Variants in MSH3 observed in about 807,000 individuals in gnomAD.
The protein encoded by MSH3 is mutS homolog 3, also known as DNA mismatch repair protein Msh3.
A neutral mutation model predicts 123.3 loss-of-function variants in MSH3; 106 were observed. The observed-to-expected ratio is 0.86, with a 90% confidence interval of 0.73 to 1.01. The LOEUF is 1.01. MSH3 is among the 50% of genes least tolerant of loss of function. The probability of loss-of-function intolerance (pLI) is 0.00; values close to 1 mark genes in which losing one functional copy is unlikely to be tolerated. For missense variants in MSH3, 1,459 were observed against 1,347.6 expected, an observed-to-expected ratio of 1.08 and a Z score of -1.29; for synonymous variants, 515 against 481.4, an observed-to-expected ratio of 1.07 and a Z score of -0.91.
At chr5:80,808,658 C>G (rs2112046769) in intron 19 of MSH3, among the ~76,000 whole-genome samples, 1 of 151,740 alleles carries the variant, frequency 6.6e-6, no homozygotes, top group East Asian at 1.9e-4. Context: ...CTCTGAAATC[C>G]TGAAGTTCAA....
chr5:80,678,772 T>A (rs1166705395), intron 7 of MSH3, among the ~76,000 whole-genome samples, 155 bp from the exon 8 acceptor site: 1 of 152,132 alleles, frequency 6.6e-6, no homozygotes, highest in Non-Finnish European at 1.5e-5. Context: ...CGTGTAAGAG[T>A]CCTGAAAAGC....
intron 20 of MSH3, among the ~76,000 whole-genome samples, chr5:80,837,774 A>G (rs1189613656): frequency 6.6e-6 from 1 of 152,212 alleles, no homozygotes; most frequent in African/African-American, 2.4e-5. Context: ...TCTGTGGTTC[A>G]TGACCCCAGA....
intron 21 of MSH3, 95 bp downstream of exon 21, chr5:80,854,411 A>C (rs1561500109): frequency 2.0e-4 from 211 of 1,070,846 alleles, no homozygotes; most frequent in Non-Finnish European, 2.7e-4. Context: ...ATGGGGTACA[A>C]TGTGATGTTT....
intron 8 of MSH3, among the ~76,000 whole-genome samples, chr5:80,681,045 A>G (rs931193111): frequency 3.9e-5 from 6 of 152,064 alleles, no homozygotes; most frequent in Non-Finnish European, 8.8e-5. Context: ...ATTGCTTGCT[A>G]GAAATGGTAA....
intron 10 of MSH3, among the ~76,000 whole-genome samples, chr5:80,729,444 G>T (rs867156766): frequency 9.6e-6 from 1 of 104,242 alleles, no homozygotes; most frequent in African/African-American, 3.7e-5. Flanking sequence ...GTGTGTGTGT[G>T]TGTGTGTGTG....
At chr5:80,703,326 C>A (rs115394556) in intron 8 of MSH3, among the ~76,000 whole-genome samples, 3,827 of 152,256 alleles carry the variant, frequency 0.025, 70 homozygotes, top group Non-Finnish European at 0.04. Context: ...ACTTTACATT[C>A]TTTTATGTAA....
chr5:80,772,176 A>G (rs1053293983), intron 15 of MSH3, among the ~76,000 whole-genome samples: 1 of 152,180 alleles, frequency 6.6e-6, no homozygotes, highest in African/African-American at 2.4e-5. Flanking sequence ...TATTATTACT[A>G]AGGGAAAAAG....
At chr5:80,741,630 T>C in intron 11 of MSH3, 82 bp downstream of exon 11, 1 of 970,004 alleles carries the variant, frequency 1.0e-6, no homozygotes, top group Non-Finnish European at 1.7e-6. Flanking sequence ...TTTTTAGAGG[T>C]ACAGGTGAAA....
chr5:80,751,342 A>C (rs1743833222), intron 12 of MSH3, among the ~76,000 whole-genome samples: 1 of 152,308 alleles, frequency 6.6e-6, no homozygotes, highest in Admixed American at 6.5e-5. Context: ...GAAAAGTTTC[A>C]TGAGACCTCG....
chr5:80,783,161 A>C (rs906656459), intron 17 of MSH3, among the ~76,000 whole-genome samples: 1 of 152,244 alleles, frequency 6.6e-6, no homozygotes, highest in South Asian at 2.1e-4. Flanking sequence ...TCATAACACT[A>C]TAACAGCTTT....
chr5:80,812,751 GT>G (rs1285722958), intron 19 of MSH3, among the ~76,000 whole-genome samples: 1 of 151,922 alleles, frequency 6.6e-6, no homozygotes, highest in African/African-American at 2.4e-5. Context: ...TATAGTTGGG[GT>G]TTTGCCATGT....
At chr5:80,686,412 C>T (rs1283985056) in intron 8 of MSH3, among the ~76,000 whole-genome samples, 2 of 151,168 alleles carry the variant, frequency 1.3e-5, no homozygotes, top group African/African-American at 4.9e-5. Context: ...AAGCGATTCT[C>T]GTGCCTCAGC....
rs1580575841 is a variant in MSH3, at chr5:80,707,061, C to T, written c.1341-18392C>T. 2.6e-5 allele frequency among the ~76,000 whole-genome samples: 4 copies of T among 152,232 alleles called. No homozygotes were observed. The South Asian group carries it at 8.3e-4, about 31-fold the overall frequency. On this transcript the variant is annotated intron_variant, in intron 8 of 23. Transcript: ENST00000265081. ...CTCCACCTCCCACTCCAAGCAACTA[C>T]TGTTCTGATTTCTGTCACTATAGGA... is the stretch of plus-strand genomic sequence containing the variant.
intron 19 of MSH3, among the ~76,000 whole-genome samples, chr5:80,805,956 T>C (rs561970203): frequency 2.8e-4 from 42 of 152,292 alleles, no homozygotes; most frequent in African/African-American, 1.0e-3. Flanking sequence ...AGTCCTTCTT[T>C]TTATGGGTGA....
intron 2 of MSH3, among the ~76,000 whole-genome samples, chr5:80,658,575 C>T (rs527479608): frequency 6.6e-6 from 1 of 152,182 alleles, no homozygotes; most frequent in South Asian, 2.1e-4. Flanking sequence ...TAGTCAGAAG[C>T]TGGGTGACTG....
At chr5:80,775,579 ACTTAT>A (rs1393791207) in intron 15 of MSH3, 110 bp from the exon 16 acceptor site, 8 of 666,418 alleles carry the variant, frequency 1.2e-5, no homozygotes, top group Middle Eastern at 4.0e-4. Context: ...ACAATACTGG[ACTTAT>A]CTTGAGTGTT....
intron 23 of MSH3, 79 bp from the exon 24 acceptor site, chr5:80,875,672 C>A: frequency 1.2e-6 from 1 of 845,660 alleles, no homozygotes; most frequent in South Asian, 1.4e-5. Context: ...GTGTTATAGA[C>A]TTTTCATAGC....
At chr5:80,841,183 G>T (rs942519404) in intron 20 of MSH3, among the ~76,000 whole-genome samples, 2 of 151,918 alleles carry the variant, frequency 1.3e-5, no homozygotes, top group African/African-American at 4.8e-5. Flanking sequence ...GCAATAGTTT[G>T]TGAGAATGAT....
intron 8 of MSH3, among the ~76,000 whole-genome samples, chr5:80,706,129 A>G (rs1285082546): frequency 1.3e-5 from 2 of 152,174 alleles, no homozygotes; most frequent in Non-Finnish European, 2.9e-5. Context: ...CAGAGTTAGT[A>G]TGGTTTAAAA....
Sources: gnomAD v4.1 joint callset for allele counts (sites outside exome capture counted in the v4.1 genomes callset) on GRCh38, gnomAD v4.1.1 for gene constraint, MANE v1.5 for transcripts, NCBI Gene and HGNC (gene_info 2026-07-23, HGNC 2026-07-21) for gene names.